SHISA9: variants seen among roughly 807,000 people sequenced by gnomAD.
SHISA9 encodes the protein protein shisa-9.
In SHISA9, 13 loss-of-function variants were observed where a neutral mutation model predicts 38.0. The ratio of observed to expected loss-of-function variants is 0.34; its 90% CI spans 0.22 to 0.54. The LOEUF (loss-of-function observed/expected upper bound fraction) is 0.54, where lower values mean the gene tolerates loss of function less well. Among genes scored for constraint, SHISA9 ranks in the 20% least tolerant of loss-of-function variants. The pLI, the probability that SHISA9 is intolerant of heterozygous loss-of-function variation, is 0.91. For synonymous variants in SHISA9, 275 were observed against 242.0 expected (o/e 1.14, Z -1.27); for missense variants, 538 against 575.8 (o/e 0.93, Z 0.67).
rs2071628263 is a variant in SHISA9, at chr16:12,942,786, G to C, written c.691+25971G>C. The stretch of plus-strand genomic sequence containing the variant: ...TGTTTTCCATTTTGCTCTCATCTTG[G>C]CATATGCCCTGTAGTATGCCGTAGT... On this transcript the variant is annotated intron_variant, in intron 2 of 4. Coordinates refer to ENST00000558583, the MANE Select transcript of SHISA9 (RefSeq NM_001145204.3). 2.6e-5 allele frequency among the ~76,000 whole-genome samples: 4 copies of C among 152,104 alleles called. No homozygotes were observed. The South Asian group carries it at 8.3e-4, about 32-fold the overall frequency.
chr16:13,461,047 C>T, the SHISA9 span, among the ~76,000 whole-genome samples: 1 of 152,212 alleles, frequency 6.6e-6, no homozygotes, highest in Admixed American at 6.5e-5. Flanking sequence ...CAATAGACAA[C>T]ATATCAACGA....
In SHISA9 at chr16:12,992,746, G is replaced by C. The variant is rs149389440; in HGVS notation, c.691+75931G>C. ...CTGTAGGGTTGACATGTGTCACTCT[G>C]TCATTTTTGCTTTCGGAAAATGACA... is the stretch of plus-strand genomic sequence containing the variant. On this transcript the variant is annotated intron_variant, in intron 2 of 4. Coordinates refer to ENST00000558583, the MANE Select transcript of SHISA9 (RefSeq NM_001145204.3). 2.6e-3 allele frequency among the ~76,000 whole-genome samples: 400 copies of C among 152,266 alleles called. 2 individuals are homozygous for C. The highest frequency in any genetic ancestry group is 9.3e-3 in the African/African-American group (388 of 41,532).
the SHISA9 span, among the ~76,000 whole-genome samples, chr16:13,510,609 A>G: frequency 1.3e-5 from 2 of 152,196 alleles, no homozygotes; most frequent in South Asian, 2.1e-4. Context: ...TCTCACCTGA[A>G]AGGAGTAGGT....
chr16:13,402,882 G>GCT, the SHISA9 span, among the ~76,000 whole-genome samples: 1 of 152,176 alleles, frequency 6.6e-6, no homozygotes, highest in African/African-American at 2.4e-5. Flanking sequence ...ACTTTGGGAG[G>GCT]CCAAGGCGGG....
the SHISA9 span, among the ~76,000 whole-genome samples, chr16:13,297,262 T>C: frequency 1.3e-5 from 2 of 152,228 alleles, no homozygotes; most frequent in African/African-American, 4.8e-5. Flanking sequence ...TTCTTTTGTA[T>C]TTCATATTAT....
intron 2 of SHISA9, among the ~76,000 whole-genome samples, chr16:13,041,883 G>T (rs1237680256): frequency 6.6e-6 from 1 of 152,126 alleles, no homozygotes; most frequent in Non-Finnish European, 1.5e-5. Flanking sequence ...TAGCTCCAGG[G>T]GTAATAAGAA....
chr16:13,164,433 C>T (rs1007020895), intron 2 of SHISA9, among the ~76,000 whole-genome samples: 2 of 151,966 alleles, frequency 1.3e-5, no homozygotes, highest in African/African-American at 4.8e-5. Context: ...GGACATTGGT[C>T]TGTAGTTTTC....
chr16:13,375,105 C>A, the SHISA9 span, among the ~76,000 whole-genome samples: 3 of 152,068 alleles, frequency 2.0e-5, no homozygotes, highest in Non-Finnish European at 4.4e-5. Flanking sequence ...TAAAAATTTT[C>A]TCCCATTCTG....
intron 2 of SHISA9, among the ~76,000 whole-genome samples, chr16:13,163,412 T>C (rs1489135674): frequency 1.3e-5 from 2 of 152,200 alleles, no homozygotes. Flanking sequence ...TAGATGATCA[T>C]TTCTACAAAA....
At chr16:13,280,947 AT>A in the SHISA9 span, among the ~76,000 whole-genome samples, 1 of 151,880 alleles carries the variant, frequency 6.6e-6, no homozygotes, top group African/African-American at 2.4e-5. Context: ...ATGGGAGAAT[AT>A]ATTAGGTTGA....
the SHISA9 span, among the ~76,000 whole-genome samples, chr16:13,533,888 A>G: frequency 6.8e-6 from 1 of 147,876 alleles, no homozygotes; most frequent in Admixed American, 6.9e-5. Context: ...GGTTCACACC[A>G]TTCTCCTGCC....
At chr16:13,542,352 T>C in the SHISA9 span, among the ~76,000 whole-genome samples, 1 of 152,226 alleles carries the variant, frequency 6.6e-6, no homozygotes, top group Non-Finnish European at 1.5e-5. Context: ...GGACTCACCA[T>C]GCACCAGGCA....
At chr16:13,330,042 C>A in the SHISA9 span, among the ~76,000 whole-genome samples, 1 of 152,356 alleles carries the variant, frequency 6.6e-6, no homozygotes, top group African/African-American at 2.4e-5. Context: ...ATGGCTTACT[C>A]ATCTCTGCAG....
At chr16:13,376,456 C>T in the SHISA9 span, among the ~76,000 whole-genome samples, 1 of 152,158 alleles carries the variant, frequency 6.6e-6, no homozygotes, top group Non-Finnish European at 1.5e-5. Flanking sequence ...AATCCCATGT[C>T]AGCCCACTCA....
intron 2 of SHISA9, among the ~76,000 whole-genome samples, chr16:13,148,661 A>G (rs1419291217): frequency 6.8e-6 from 1 of 146,630 alleles, no homozygotes; most frequent in Non-Finnish European, 1.5e-5. Context: ...CCCACTCTTC[A>G]CATCCTCATT....
chr16:13,476,522 G>T, the SHISA9 span, among the ~76,000 whole-genome samples: 2 of 152,100 alleles, frequency 1.3e-5, no homozygotes, highest in African/African-American at 4.8e-5. Flanking sequence ...ATATTTTACT[G>T]CATTATTAAA....
the SHISA9 span, among the ~76,000 whole-genome samples, chr16:13,469,023 A>C: frequency 6.6e-6 from 1 of 151,768 alleles, no homozygotes; most frequent in South Asian, 2.1e-4. Context: ...CAGGTGGATC[A>C]TTTGAGGTCA....
At chr16:13,036,546 G>A (rs980713305) in intron 2 of SHISA9, among the ~76,000 whole-genome samples, 1 of 151,946 alleles carries the variant, frequency 6.6e-6, no homozygotes, top group African/African-American at 2.4e-5. Context: ...CTTGATGGTG[G>A]GGCTAGTTAC....
intron 2 of SHISA9, among the ~76,000 whole-genome samples, chr16:12,965,730 C>A (rs554069739): frequency 6.6e-6 from 1 of 152,168 alleles, no homozygotes; most frequent in South Asian, 2.1e-4. Flanking sequence ...GTACTGTCCT[C>A]TATAAAACGG....
Sources: allele counts gnomAD v4.1 joint callset (sites outside exome capture counted in the v4.1 genomes callset), GRCh38; gene constraint gnomAD v4.1.1; transcripts MANE v1.5; gene names NCBI Gene and HGNC (gene_info 2026-07-23, HGNC 2026-07-21).